Variants in KCNQ5 observed in about 807,000 individuals in gnomAD.
The protein encoded by KCNQ5 is potassium voltage-gated channel subfamily KQT member 5.
A neutral mutation model predicts 98.2 loss-of-function variants in KCNQ5; 30 were observed. The observed-to-expected ratio is 0.31, with a 90% CI of 0.23 to 0.41. The LOEUF (loss-of-function observed/expected upper bound fraction) is 0.41, where lower values mean the gene tolerates loss of function less well. Ranked by LOEUF, KCNQ5 falls within the 10% of genes least tolerant of loss-of-function variation. The probability of loss-of-function intolerance (pLI) is 1.00; values close to 1 mark genes in which losing one functional copy is unlikely to be tolerated. For missense variants in KCNQ5, 835 were observed against 1,182.5 expected (o/e 0.71, Z 4.31); for synonymous variants, 458 against 449.4 (o/e 1.02, Z -0.24).
intron 1 of KCNQ5, among the ~76,000 whole-genome samples, chr6:72,742,194 G>T (rs1771164594): frequency 1.3e-5 from 2 of 152,204 alleles, no homozygotes; most frequent in African/African-American, 2.4e-5. Context: ...TCACAGTGGA[G>T]CCCTGGTTAG....
rs116683184 is a variant in KCNQ5, at chr6:72,637,138, C to T, written c.398+14551C>T. On this transcript the variant is annotated intron_variant, in intron 1 of 13. Transcript: ENST00000370398. ...ACATTCTGAGTATGTTTAATTTGCT[C>T]CAAAGTATTTTAAAAAATAAGAAAG... Among the ~76,000 whole-genome samples, 1,502 of 152,160 alleles carry T rather than the reference C, an allele frequency of 9.9e-3. 18 individuals are homozygous for T. Among genetic ancestry groups the T allele is most frequent in the African/African-American group, 0.034 (1,395 of 41,502 alleles).
intron 1 of KCNQ5, among the ~76,000 whole-genome samples, chr6:72,881,476 C>G (rs1227488380): frequency 6.6e-6 from 1 of 152,034 alleles, no homozygotes; most frequent in East Asian, 1.9e-4. Flanking sequence ...ACTTAATAAA[C>G]AATTATTGCA....
At chr6:72,658,082 A>G (rs28523529) in intron 1 of KCNQ5, among the ~76,000 whole-genome samples, 1 of 152,208 alleles carries the variant, frequency 6.6e-6, no homozygotes, top group African/African-American at 2.4e-5. Context: ...GAAACTCTTG[A>G]AATCCTTCCC....
intron 1 of KCNQ5, among the ~76,000 whole-genome samples, chr6:72,966,529 C>T (rs1269103481): frequency 6.6e-6 from 1 of 152,018 alleles, no homozygotes; most frequent in Admixed American, 6.6e-5. Flanking sequence ...GATCACCACA[C>T]TGCACTTCAG....
intron 1 of KCNQ5, chr6:72,640,956 C>A (rs1210013287): frequency 1.3e-5 from 2 of 152,046 alleles, no homozygotes; most frequent in African/African-American, 4.8e-5. Context: ...GAAGAATATT[C>A]TTTAAATAAG....
intron 1 of KCNQ5, among the ~76,000 whole-genome samples, chr6:72,691,496 G>T (rs1050529787): frequency 4.6e-5 from 7 of 152,202 alleles, no homozygotes; most frequent in Admixed American, 2.0e-4. Flanking sequence ...AGGGCAACTG[G>T]TACTGACGCC....
At chr6:72,625,225 A>T (rs2098917477) in intron 1 of KCNQ5, among the ~76,000 whole-genome samples, 1 of 152,224 alleles carries the variant, frequency 6.6e-6, no homozygotes, top group Non-Finnish European at 1.5e-5. Context: ...TTATAATGGT[A>T]TTTTAGGGTT....
At chr6:72,740,400 C>A (rs1771070020) in intron 1 of KCNQ5, among the ~76,000 whole-genome samples, 1 of 152,056 alleles carries the variant, frequency 6.6e-6, no homozygotes, top group Admixed American at 6.6e-5. Context: ...AGAGAAACAT[C>A]CCTGCTAGTG....
At chr6:72,635,902 T>C (rs1018251116) in intron 1 of KCNQ5, among the ~76,000 whole-genome samples, 1 of 151,866 alleles carries the variant, frequency 6.6e-6, no homozygotes, top group Non-Finnish European at 1.5e-5. Flanking sequence ...TTCTAGAAAA[T>C]GTGGATTTTA....
rs58927305 is a variant in KCNQ5, at chr6:72,900,435, A to G, written c.399-103473A>G. 7.7e-3 allele frequency among the ~76,000 whole-genome samples: 1,140 copies of G among 147,468 alleles called. 14 individuals carry two copies. Among genetic ancestry groups the G allele is most frequent in the African/African-American group, 0.027 (1,090 of 40,502 alleles). On this transcript the variant is annotated intron_variant, in intron 1 of 13. Coordinates refer to ENST00000370398, the MANE Select transcript of KCNQ5 (RefSeq NM_019842.4). ...TATATATATAAACTGTGGTATATAT[A>G]TGATATATATATCATATATATGATT...
chr6:72,809,358 A>G (rs1242540412), intron 1 of KCNQ5, among the ~76,000 whole-genome samples: 1 of 151,724 alleles, frequency 6.6e-6, no homozygotes, highest in African/African-American at 2.4e-5. Flanking sequence ...TAACCTGCAC[A>G]ATGTGCACAT....
chr6:72,808,662 C>T (rs1002448332), intron 1 of KCNQ5, among the ~76,000 whole-genome samples: 1 of 152,070 alleles, frequency 6.6e-6, no homozygotes, highest in Non-Finnish European at 1.5e-5. Context: ...AAAAGTGACA[C>T]CACTGCCGGG....
At chr6:73,065,299 G>A (rs528325659) in intron 3 of KCNQ5, among the ~76,000 whole-genome samples, 5 of 152,206 alleles carry the variant, frequency 3.3e-5, no homozygotes, top group Non-Finnish European at 5.9e-5. Context: ...AGACTCCCTC[G>A]TTTGTCTCAT....
intron 9 of KCNQ5, among the ~76,000 whole-genome samples, chr6:73,131,414 A>G (rs565662794): frequency 6.6e-6 from 1 of 152,314 alleles, no homozygotes; most frequent in South Asian, 2.1e-4. Context: ...GTTCCAGAAA[A>G]GGTAATAGAT....
rs202152420 is a variant in KCNQ5 at position 73,149,806 on chromosome 6, AAGAG to A, written c.1468+16182_1468+16185del. On this transcript the variant is annotated intron_variant, in intron 10 of 13. Coordinates refer to ENST00000370398, the MANE Select transcript of KCNQ5 (RefSeq NM_019842.4). Reference sequence around the variant, plus strand: ...TGGGAGACTCCGAAAAAAAAAAAAAAAGAGAGAGAGAGAGAGAGAGGGAGGGAGG... The same window carrying A: ...TGGGAGACTCCGAAAAAAAAAAAAAAAGAGAGAGAGAGAGAGGGAGGGAGG... 1.1e-3 allele frequency among the ~76,000 whole-genome samples: 155 copies of A among 144,234 alleles called. 1 individual carries two copies. The highest frequency in any genetic ancestry group is 8.0e-3 in the East Asian group (40 of 4,986). The allele number at this position is 144,234 out of a possible 152,430, so 94.6% of individuals were successfully genotyped here. A position where few individuals can be genotyped will look rare whatever the true frequency, so the allele number is the denominator to read the frequency against.
chr6:73,088,424 T>C (rs983370823), intron 5 of KCNQ5, among the ~76,000 whole-genome samples: 16 of 152,220 alleles, frequency 1.1e-4, no homozygotes, highest in Non-Finnish European at 4.4e-5. Context: ...CCTTTCCCGA[T>C]TGTTCTACTT....
At chr6:72,691,003 T>A (rs1768190816) in intron 1 of KCNQ5, among the ~76,000 whole-genome samples, 1 of 152,212 alleles carries the variant, frequency 6.6e-6, no homozygotes, top group Admixed American at 6.5e-5. Context: ...TATTAGCCTC[T>A]TAACCACTGT....
rs191275642 is a variant in KCNQ5, at chr6:73,117,395, G to T, written c.1126-3088G>T. Among the ~76,000 whole-genome samples, 189 of 152,292 alleles carry T rather than the reference G, an allele frequency of 1.2e-3. 1 individual carries two copies. Among genetic ancestry groups the T allele is most frequent in the African/African-American group, 4.3e-3 (178 of 41,554 alleles). ...ACCTTCCATACCTCTCATTTAAAAGGCATTTTTGGGAGATGAGTAATGAAG... is the reference window on the plus strand; with the variant it reads ...ACCTTCCATACCTCTCATTTAAAAGTCATTTTTGGGAGATGAGTAATGAAG... On this transcript the variant is annotated intron_variant, in intron 7 of 13. Transcript: ENST00000370398.
intron 3 of KCNQ5, among the ~76,000 whole-genome samples, chr6:73,071,790 A>G (rs1036976568): frequency 1.3e-5 from 2 of 152,182 alleles, no homozygotes; most frequent in Non-Finnish European, 2.9e-5. Flanking sequence ...AACACCTCCC[A>G]TTAGGCTTCA....
Sources: allele counts gnomAD v4.1 joint callset (sites outside exome capture counted in the v4.1 genomes callset), GRCh38; gene constraint gnomAD v4.1.1; transcripts MANE v1.5; gene names NCBI Gene and HGNC (gene_info 2026-07-23, HGNC 2026-07-21).